PTPRT: variants seen among roughly 807,000 people sequenced by gnomAD.
PTPRT encodes the protein protein tyrosine phosphatase receptor type T.
In PTPRT, 56 loss-of-function variants were observed where a neutral mutation model predicts 176.8. The ratio of observed to expected loss-of-function variants is 0.32; its 90% CI spans 0.26 to 0.40. The LOEUF (loss-of-function observed/expected upper bound fraction) is 0.40, where lower values mean the gene tolerates loss of function less well. Among genes scored for constraint, PTPRT ranks in the 10% least tolerant of loss-of-function variants. The probability of loss-of-function intolerance (pLI) is 1.00; values close to 1 mark genes in which losing one functional copy is unlikely to be tolerated. For missense variants in PTPRT, 1,540 were observed against 1,908.2 expected (o/e 0.81, Z 3.60); for synonymous variants, 783 against 739.0 (o/e 1.06, Z -0.96).
At chr20:42,453,195 A>G (rs1397484711) in intron 8 of PTPRT, among the ~76,000 whole-genome samples, 1 of 152,176 alleles carries the variant, frequency 6.6e-6, no homozygotes, top group Non-Finnish European at 1.5e-5. Context: ...TAAAATTTCA[A>G]ACATATTTCA....
intron 7 of PTPRT, among the ~76,000 whole-genome samples, chr20:42,658,648 G>A (rs1185237436): frequency 6.6e-6 from 1 of 152,124 alleles, no homozygotes; most frequent in Non-Finnish European, 1.5e-5. Context: ...ACTGATGTTG[G>A]TGTTACAAAT....
intron 1 of PTPRT, among the ~76,000 whole-genome samples, chr20:42,980,508 T>C (rs1193580135): frequency 6.6e-6 from 1 of 152,248 alleles, no homozygotes; most frequent in African/African-American, 2.4e-5. Flanking sequence ...ATGTGTTAAA[T>C]ACATTCTCTT....
At chr20:42,918,808 G>C (rs992558347) in intron 1 of PTPRT, among the ~76,000 whole-genome samples, 1 of 151,932 alleles carries the variant, frequency 6.6e-6, no homozygotes, top group Non-Finnish European at 1.5e-5. Flanking sequence ...TACTAGCTTC[G>C]AGTTTTGTGT....
At chr20:42,132,994 GT>G (rs1988193047) in intron 18 of PTPRT, among the ~76,000 whole-genome samples, 2 of 152,262 alleles carry the variant, frequency 1.3e-5, no homozygotes, top group South Asian at 2.1e-4. Context: ...TTAGACTTAG[GT>G]TTTTTTGACT....
chr20:42,983,712 A>G (rs1983404378), intron 1 of PTPRT, among the ~76,000 whole-genome samples: 1 of 152,166 alleles, frequency 6.6e-6, no homozygotes, highest in African/African-American at 2.4e-5. Flanking sequence ...GGTTTCACAC[A>G]CCTTGGAGGT....
At chr20:42,941,678 G>A (rs1345285689) in intron 1 of PTPRT, among the ~76,000 whole-genome samples, 1 of 152,042 alleles carries the variant, frequency 6.6e-6, no homozygotes, top group African/African-American at 2.4e-5. Context: ...CTCCTTTAAT[G>A]ATGTCACTAG....
chr20:43,172,554 C>T (rs1381557221), intron 1 of PTPRT, among the ~76,000 whole-genome samples: 1 of 152,140 alleles, frequency 6.6e-6, no homozygotes, highest in East Asian at 1.9e-4. Flanking sequence ...AATTGGTCAC[C>T]CCAGCCACGC....
At chr20:42,960,302 G>A (rs1981914137) in intron 1 of PTPRT, among the ~76,000 whole-genome samples, 1 of 152,258 alleles carries the variant, frequency 6.6e-6, no homozygotes, top group Non-Finnish European at 1.5e-5. Context: ...GGCAGGTTTG[G>A]TGTCTGGTGA....
At position 43,138,010 on chromosome 20, in the gene PTPRT, G is replaced by T. The variant is rs149549525; in HGVS notation, c.88+51636C>A. Among the ~76,000 whole-genome samples the T allele has an allele frequency of 4.3e-3, 655 of 152,254 alleles. 9 individuals carry two copies. The highest frequency in any genetic ancestry group is 0.014 in the African/African-American group (589 of 41,540). On this transcript the variant is annotated intron_variant, in intron 1 of 30. Coordinates refer to ENST00000373187, the MANE Select transcript of PTPRT (RefSeq NM_007050.6). ...ACCACCCTCGCCAGCTGGGTAACCTGGTGTTACCTAATTTCTCAGCCCGTG... is the reference window on the plus strand; with the variant it reads ...ACCACCCTCGCCAGCTGGGTAACCTTGTGTTACCTAATTTCTCAGCCCGTG...
chr20:42,986,037 G>T (rs1267864773), intron 1 of PTPRT, among the ~76,000 whole-genome samples: 2 of 152,224 alleles, frequency 1.3e-5, no homozygotes, highest in African/African-American at 4.8e-5. Context: ...GTGAGTCCAA[G>T]TTACCGCGGA....
At chr20:43,140,748 T>G (rs2013979409) in intron 1 of PTPRT, among the ~76,000 whole-genome samples, 1 of 152,150 alleles carries the variant, frequency 6.6e-6, no homozygotes, top group Admixed American at 6.5e-5. Context: ...CCAGTTTACT[T>G]TTTTGAGACT....
At chr20:42,166,383 G>A (rs896641445) in intron 16 of PTPRT, among the ~76,000 whole-genome samples, 4 of 152,150 alleles carry the variant, frequency 2.6e-5, no homozygotes, top group African/African-American at 9.7e-5. Context: ...TACTGGTGCT[G>A]AGGAAATGAA....
Position 42,668,193 on chromosome 20 carries a change from A to C in PTPRT, c.1153+9673T>G, listed in dbSNP as rs116606645. Among the ~76,000 whole-genome samples, 621 of 152,330 alleles carry C rather than the reference A, an allele frequency of 4.1e-3. 7 individuals are homozygous for C. In the Middle Eastern group the frequency reaches 0.044, roughly 11 times the overall value. ...TTTTCCCTTTTAAAAACGAGGTGCTAAGTTACACTATTGCACTTCATCTTC... is the reference window on the plus strand; with the variant it reads ...TTTTCCCTTTTAAAAACGAGGTGCTCAGTTACACTATTGCACTTCATCTTC... On this transcript the variant is annotated intron_variant, in intron 7 of 30. Transcript: ENST00000373187.
At chr20:42,126,438 G>A (rs1341962451) in intron 19 of PTPRT, among the ~76,000 whole-genome samples, 3 of 152,204 alleles carry the variant, frequency 2.0e-5, no homozygotes, top group Non-Finnish European at 4.4e-5. Context: ...GAAATGGGTA[G>A]TAGTGGTACT....
chr20:42,040,071 CCT>C, the PTPRT span, among the ~76,000 whole-genome samples: 1 of 152,050 alleles, frequency 6.6e-6, no homozygotes, highest in East Asian at 1.9e-4. Flanking sequence ...GCAAAAGTTC[CCT>C]TTTTTTTCCC....
chr20:42,264,241 A>T (rs2056801889), intron 13 of PTPRT, among the ~76,000 whole-genome samples: 1 of 152,178 alleles, frequency 6.6e-6, no homozygotes, highest in African/African-American at 2.4e-5. Context: ...AAACATTAAC[A>T]ATCATCTCCC....
At chr20:42,070,101 T>C (rs1365903251), downstream of PTPRT, among the ~76,000 whole-genome samples, 1 of 152,084 alleles carries the variant, frequency 6.6e-6, no homozygotes, top group Non-Finnish European at 1.5e-5. Context: ...TCTCACCAGC[T>C]GCTTCTGCTT....
At chr20:42,913,279 A>G (rs1389709245) in intron 1 of PTPRT, among the ~76,000 whole-genome samples, 1 of 152,206 alleles carries the variant, frequency 6.6e-6, no homozygotes, top group Non-Finnish European at 1.5e-5. Flanking sequence ...CTGGAAATCA[A>G]TGTGTCAGCA....
intron 27 of PTPRT, among the ~76,000 whole-genome samples, chr20:42,092,783 G>A (rs1043444511): frequency 6.6e-6 from 1 of 152,180 alleles, no homozygotes; most frequent in Non-Finnish European, 1.5e-5. Flanking sequence ...CTCTGAAATA[G>A]CACCCTGCTT....
Sources: gnomAD v4.1 joint callset for allele counts (sites outside exome capture counted in the v4.1 genomes callset) on GRCh38, gnomAD v4.1.1 for gene constraint, MANE v1.5 for transcripts, NCBI Gene and HGNC (gene_info 2026-07-23, HGNC 2026-07-21) for gene names.